The following PAK1 variants were observed in gnomAD, a reference collection of about 807,000 sequenced individuals.
PAK1 encodes p21 (RAC1) activated kinase 1.
Under a neutral mutation model 67.4 loss-of-function variants are expected in PAK1, and 29 were observed. That is an observed-to-expected ratio of 0.43 (90% CI 0.32 to 0.59). PAK1 has a LOEUF of 0.59. Ranked by LOEUF, PAK1 falls within the 20% of genes least tolerant of loss-of-function variation. PAK1 has a pLI of 0.07. For synonymous variants in PAK1, 223 were observed against 237.4 expected (o/e 0.94, Z 0.56); for missense variants, 337 against 670.7 (o/e 0.50, Z 5.50).
intron 1 of PAK1, among the ~76,000 whole-genome samples, chr11:77,465,207 A>T (rs17135689): frequency 0.063 from 9,525 of 152,208 alleles, 659 homozygotes; most frequent in East Asian, 0.24. Context: ...ACAATTTTTT[A>T]AAAAGTGCCA....
At chr11:77,482,074 C>T in the PAK1 span, among the ~76,000 whole-genome samples, 19 of 151,788 alleles carry the variant, frequency 1.3e-4, no homozygotes, top group Admixed American at 2.0e-4. Context: ...CTGCAAGCTC[C>T]GCCTCCCGGG....
At chr11:77,410,368 T>C (rs1257008949) in intron 1 of PAK1, among the ~76,000 whole-genome samples, 1 of 152,006 alleles carries the variant, frequency 6.6e-6, no homozygotes, top group South Asian at 2.1e-4. Flanking sequence ...GGAGTGCTTG[T>C]TGGCAGGCCC....
chr11:77,329,830 A>G (rs997483971), intron 14 of PAK1, among the ~76,000 whole-genome samples: 1 of 152,170 alleles, frequency 6.6e-6, no homozygotes, highest in Non-Finnish European at 1.5e-5. Context: ...ATTAGGAAAA[A>G]AAGAAGTCAA....
the PAK1 span, among the ~76,000 whole-genome samples, chr11:77,525,344 A>G: frequency 1.3e-5 from 2 of 152,128 alleles, no homozygotes; most frequent in African/African-American, 4.8e-5. Context: ...AAAAAAAGGA[A>G]AAAAAGTGTG....
chr11:77,374,324 T>G lies in PAK1; in HGVS notation c.477+4A>C, dbSNP rs202122535. The stretch of plus-strand genomic sequence containing the variant: ...ACATCAAAATAGAGTAAATAAAGAC[T>G]TACCAAGGCATTAGAAGAATTGTAA... On this transcript the variant is annotated splice_donor_region_variant and intron_variant, in intron 5 of 14. Transcript: ENST00000356341. 1 of 1,573,908 alleles carries G rather than the reference T, an allele frequency of 6.4e-7. No homozygotes were observed. The highest frequency in any genetic ancestry group is 8.7e-7 in the Non-Finnish European group (1 of 1,143,598).
At chr11:77,472,908 G>A (rs1167422379) in intron 1 of PAK1, among the ~76,000 whole-genome samples, 1 of 152,184 alleles carries the variant, frequency 6.6e-6, no homozygotes, top group Non-Finnish European at 1.5e-5. Context: ...AATGTGTACT[G>A]CTGAAATAGG....
intron 14 of PAK1, chr11:77,325,236 G>C: frequency 1.3e-6 from 2 of 1,510,092 alleles, no homozygotes; most frequent in Non-Finnish European, 1.8e-6. Flanking sequence ...AGGGCTTCCA[G>C]TTGTGATACT....
intron 5 of PAK1, among the ~76,000 whole-genome samples, chr11:77,368,654 T>A (rs1259203675): frequency 4.0e-5 from 3 of 74,638 alleles, no homozygotes; most frequent in Middle Eastern, 6.0e-3. Context: ...GATAATAATA[T>A]TTTTTATTTA....
the PAK1 span, among the ~76,000 whole-genome samples, chr11:77,509,558 A>AG: frequency 6.6e-6 from 1 of 152,082 alleles, no homozygotes; most frequent in Non-Finnish European, 1.5e-5. Flanking sequence ...ATAACTGGTG[A>AG]TATAGTTTGG....
At chr11:77,336,313 C>T (rs189183289) in intron 12 of PAK1, 31 bp from the exon 13 acceptor site, 35 of 1,540,038 alleles carry the variant, frequency 2.3e-5, no homozygotes, top group Non-Finnish European at 1.8e-5. Context: ...AAAGAACATA[C>T]ATTTAGGATA....
intron 2 of PAK1, among the ~76,000 whole-genome samples, chr11:77,389,999 T>C (rs1391525304): frequency 6.6e-6 from 1 of 152,204 alleles, no homozygotes; most frequent in Non-Finnish European, 1.5e-5. Context: ...TCAAGAACAC[T>C]GGTTGATAAG....
In PAK1 at chr11:77,322,915, C is replaced by T. The variant is rs1036419636; in HGVS notation, c.*359G>A. The T allele has an allele frequency of 2.7e-5, 15 of 560,416 alleles. No individual in the cohort carries two copies. Among genetic ancestry groups the T allele is most frequent in the Non-Finnish European group, 4.1e-5 (13 of 318,208 alleles). 34.7% of individuals were successfully genotyped at this position (560,416 alleles called of 1,614,324 possible). A position where few individuals can be genotyped will look rare whatever the true frequency, so the allele number is the denominator to read the frequency against. On this transcript the variant is annotated 3_prime_UTR_variant, in exon 15 of 15. Coordinates refer to ENST00000356341, the MANE Select transcript of PAK1 (RefSeq NM_002576.5). ...TTACAAATTGATAATATTATCAAAC[C>T]ATAAATTTATATAGTCAAGAATTAA... is the stretch of plus-strand genomic sequence containing the variant.
intron 1 of PAK1, among the ~76,000 whole-genome samples, chr11:77,459,600 CAAAT>C (rs1234159247): frequency 4.0e-5 from 6 of 151,278 alleles, no homozygotes; most frequent in Non-Finnish European, 8.8e-5. Flanking sequence ...AACCAAGAGT[CAAAT>C]AAATACAGAA....
chr11:77,525,410 A>G, the PAK1 span, among the ~76,000 whole-genome samples: 1 of 152,176 alleles, frequency 6.6e-6, no homozygotes, highest in Non-Finnish European at 1.5e-5. Flanking sequence ...TAACTTAATT[A>G]TTTTAGAACT....
At chr11:77,426,054 T>A (rs2138245727) in intron 1 of PAK1, among the ~76,000 whole-genome samples, 1 of 151,336 alleles carries the variant, frequency 6.6e-6, no homozygotes, top group African/African-American at 2.4e-5. Flanking sequence ...CCAAGCCCAT[T>A]CTTGACTTTT....
intron 4 of PAK1, among the ~76,000 whole-genome samples, chr11:77,376,422 TA>T (rs1316944947): frequency 6.6e-6 from 1 of 152,158 alleles, no homozygotes; most frequent in Admixed American, 6.6e-5. Context: ...TTTTCCCTAT[TA>T]CATTAGCTAC....
chr11:77,416,317 C>G (rs1043148590), intron 1 of PAK1, among the ~76,000 whole-genome samples: 1 of 152,130 alleles, frequency 6.6e-6, no homozygotes, highest in Non-Finnish European at 1.5e-5. Context: ...TTGTTAAAAA[C>G]TAACACATAA....
At chr11:77,423,830 TA>T (rs2138218740) in intron 1 of PAK1, among the ~76,000 whole-genome samples, 1 of 152,362 alleles carries the variant, frequency 6.6e-6, no homozygotes, top group South Asian at 2.1e-4. Context: ...AACAAAACTT[TA>T]TTTACAAAAA....
chr11:77,511,541 G>A, the PAK1 span, among the ~76,000 whole-genome samples: 1 of 152,110 alleles, frequency 6.6e-6, no homozygotes, highest in Non-Finnish European at 1.5e-5. Flanking sequence ...CCTCTTCCAT[G>A]CTCACAGCTC....
Sources: gnomAD v4.1 joint callset for allele counts (sites outside exome capture counted in the v4.1 genomes callset) on GRCh38, gnomAD v4.1.1 for gene constraint, MANE v1.5 for transcripts, NCBI Gene and HGNC (gene_info 2026-07-23, HGNC 2026-07-21) for gene names.